EFNB3: variants seen among roughly 807,000 people sequenced by gnomAD.
EFNB3 encodes the protein ephrin B3, also known as ephrin-B3.
A neutral mutation model predicts 29.8 loss-of-function variants in EFNB3; 14 were observed. That is an observed-to-expected ratio of 0.47 (90% confidence interval 0.31 to 0.73). The LOEUF (loss-of-function observed/expected upper bound fraction) is 0.73. Among genes scored for constraint, EFNB3 ranks in the 30% least tolerant of loss-of-function variants. The pLI is 0.05. For synonymous variants in EFNB3, 216 were observed against 191.6 expected (o/e 1.13, Z -1.05); for missense variants, 408 against 458.0 (o/e 0.89, Z 1.00).
At chr17:7,707,843 G>A (rs1354550281) in intron 1 of EFNB3, 115 bp from the exon 2 acceptor site, 1 of 1,220,472 alleles carries the variant, frequency 8.2e-7, no homozygotes, top group African/African-American at 1.5e-5. Context: ...GACAAAGGCG[G>A]GCAAGCGTGA....
At chr17:7,707,336 G>A (rs2074330811) in intron 1 of EFNB3, among the ~76,000 whole-genome samples, 1 of 152,226 alleles carries the variant, frequency 6.6e-6, no homozygotes, top group African/African-American at 2.4e-5. Flanking sequence ...TTCTGAGTGG[G>A]AGAATGACTC....
rs900635559 is a variant in EFNB3 at position 7,709,914 on chromosome 17, C to T, written c.*338C>T. The T allele has an allele frequency of 7.2e-5, 31 of 431,782 alleles. 1 individual carries two copies. The highest frequency in any genetic ancestry group is 3.0e-4 in the Admixed American group (7 of 23,348). 26.7% of individuals were successfully genotyped at this position (431,782 alleles called of 1,614,324 possible). On this transcript the variant is annotated 3_prime_UTR_variant, in exon 5 of 5. Coordinates refer to ENST00000226091, the MANE Select transcript of EFNB3 (RefSeq NM_001406.4). This position sits in a 1 kb window ranked among gnomAD's most constrained non-coding sequence, Gnocchi z 4.5. ...CCCAGAGCTAGGGGCGGGAACAGCC[C>T]ACCTTTTGGTTGGCACCGCCTTCTT...
At position 7,709,150 on chromosome 17, in the gene EFNB3, C is replaced by T; in HGVS notation, c.614-17C>T. 6.3e-7 allele frequency: 1 copy of T among 1,593,908 alleles called. No homozygotes were observed. The highest frequency in any genetic ancestry group is 8.5e-7 in the Non-Finnish European group (1 of 1,176,724). ...CAGTCCCTCCCCCTCTTTCCTCCTT[C>T]ACCCCTTCCCTGCCAGGTGACCCCA... On this transcript the variant is annotated splice_polypyrimidine_tract_variant and intron_variant, in intron 4 of 4. Transcript: ENST00000226091. This position sits in a 1 kb window ranked among gnomAD's most constrained non-coding sequence, Gnocchi z 4.5.
intron 1 of EFNB3, among the ~76,000 whole-genome samples, chr17:7,706,477 C>T (rs2074328139): frequency 1.3e-5 from 2 of 152,158 alleles, no homozygotes; most frequent in African/African-American, 4.8e-5. Context: ...TGAAAAGAGG[C>T]CAGGGGTCAG....
Position 7,709,476 on chromosome 17 carries a change from GCCC to G in EFNB3, c.926_928del (p.Pro309del), listed in dbSNP as rs752828539. 5 of 1,613,776 alleles carry G rather than the reference GCCC, an allele frequency of 3.1e-6. No individual in the cohort carries two copies. The highest frequency in any genetic ancestry group is 4.2e-6 in the Non-Finnish European group (5 of 1,179,832). On this transcript the variant is annotated inframe_deletion, in exon 5 of 5. Coordinates refer to ENST00000226091, the MANE Select transcript of EFNB3 (RefSeq NM_001406.4). The surrounding 1 kb of genome is among the most constrained non-coding windows in gnomAD (Gnocchi z 4.5). Reference sequence around the variant, plus strand: ...GGCGGGGCTGCAGATCCCCCCTTCTGCCCCCACTATGAGAAGGTGAGTGGTGAC... The same window carrying G: ...GGCGGGGCTGCAGATCCCCCCTTCTGCCACTATGAGAAGGTGAGTGGTGAC...
Position 7,709,872 on chromosome 17 carries a change from C to A in EFNB3, c.*296C>A. ...CCTCTCTGACCATGACCCAGGCATC[C>A]TTGTCCCCCTCACCCACCCAGAGCT... On this transcript the variant is annotated 3_prime_UTR_variant, in exon 5 of 5. Coordinates refer to ENST00000226091, the MANE Select transcript of EFNB3 (RefSeq NM_001406.4). This position sits in a 1 kb window ranked among gnomAD's most constrained non-coding sequence, Gnocchi z 4.5. 1 of 506,950 alleles carries A rather than the reference C, an allele frequency of 2.0e-6. No homozygotes were observed. 31.4% of individuals were successfully genotyped at this position (506,950 alleles called of 1,614,324 possible). A position where few individuals can be genotyped will look rare whatever the true frequency, so the allele number is the denominator to read the frequency against.
At position 7,709,350 on chromosome 17, in the gene EFNB3, C is replaced by T; in HGVS notation, c.797C>T (p.Pro266Leu). 6.8e-7 allele frequency: 1 copy of T among 1,460,818 alleles called. No homozygotes were observed. The highest frequency in any genetic ancestry group is 9.1e-7 in the Non-Finnish European group (1 of 1,092,950). 90.5% of individuals were successfully genotyped at this position (1,460,818 alleles called of 1,614,324 possible). Residue 266 changes from proline (P) to leucine (L), a missense_variant, in exon 5 of 5, where the codon CCT becomes CTT. This residue lies in a region of EFNB3 where 233 missense variants were observed against 230.7 expected (regional missense o/e 1.01). Coordinates refer to ENST00000226091, the MANE Select transcript of EFNB3 (RefSeq NM_001406.4). This position sits in a 1 kb window ranked among gnomAD's most constrained non-coding sequence, Gnocchi z 4.5. ...AKPSESRHPG[P>L]GSFGRGGSLG... ...CCTTCGGAGAGTCGCCACCCTGGTC[C>T]TGGCTCCTTCGGGAGGGGAGGGTCT...
At position 7,707,948 on chromosome 17, in the gene EFNB3, C is replaced by T. The variant is rs199860628; in HGVS notation, c.123-10C>T. On this transcript the variant is annotated splice_polypyrimidine_tract_variant and intron_variant, in intron 1 of 4. Coordinates refer to ENST00000226091, the MANE Select transcript of EFNB3 (RefSeq NM_001406.4). ...TCTCTTCCTTGTCCACCTTACCCTC[C>T]TCCCCATAGGTTCCAGGCAGAGGGT... 6.3e-7 allele frequency: 1 copy of T among 1,598,802 alleles called. No individual in the cohort carries two copies. The highest frequency in any genetic ancestry group is 1.3e-5 in the African/African-American group (1 of 74,484).
Position 7,705,838 on chromosome 17 carries a change from T to C in EFNB3, c.122+118T>C. ...GAGGCGGGAGGGAAGGTGCTGGTGC[T>C]CTGATGTGTGATGGGTTACTAGACA... is the stretch of plus-strand genomic sequence containing the variant. On this transcript the variant is annotated intron_variant, in intron 1 of 4. Coordinates refer to ENST00000226091, the MANE Select transcript of EFNB3 (RefSeq NM_001406.4). The surrounding 1 kb of genome is among the most constrained non-coding windows in gnomAD (Gnocchi z 5.4). 6.3e-6 allele frequency: 8 copies of C among 1,273,010 alleles called. No individual in the cohort carries two copies. Among genetic ancestry groups the C allele is most frequent in the Non-Finnish European group, 8.5e-6 (8 of 944,252 alleles). The allele number at this position is 1,273,010 out of a possible 1,614,324, so 78.9% of individuals were successfully genotyped here.
Position 7,705,646 on chromosome 17 carries a change from G to A in EFNB3, c.48G>A (p.Leu16=), listed in dbSNP as rs1324971433. The A allele has an allele frequency of 5.9e-6, 9 of 1,517,910 alleles. No individual in the cohort carries two copies. Among genetic ancestry groups the A allele is most frequent in the Non-Finnish European group, 7.8e-6 (9 of 1,147,190 alleles). The allele number at this position is 1,517,910 out of a possible 1,614,324, so 94.0% of individuals were successfully genotyped here. ...SGPGGVRVGA[L]LLLGVLGLVS... ...CGGGGGGCGTGCGAGTCGGGGCCCT[G>A]CTGCTGCTGGGGGTTTTGGGGCTGG... The change falls in exon 1 of 5, where the codon CTG becomes CTA. Residue 16 remains leucine (L), a synonymous_variant. Coordinates refer to ENST00000226091, the MANE Select transcript of EFNB3 (RefSeq NM_001406.4). The surrounding 1 kb of genome is among the most constrained non-coding windows in gnomAD (Gnocchi z 5.4).
Position 7,709,614 on chromosome 17 carries a change from C to T in EFNB3, c.*38C>T. On this transcript the variant is annotated 3_prime_UTR_variant, in exon 5 of 5. Transcript: ENST00000226091. This position sits in a 1 kb window ranked among gnomAD's most constrained non-coding sequence, Gnocchi z 4.5. ...CGTGGCTATCCTGAATCCAGCCCTT[C>T]TTGGGGTGCTCCTCCAGTTTAATTC... is the stretch of plus-strand genomic sequence containing the variant. 6.2e-7 allele frequency: 1 copy of T among 1,612,732 alleles called. No homozygotes were observed. Among genetic ancestry groups the T allele is most frequent in the South Asian group, 1.1e-5 (1 of 90,980 alleles).
Position 7,709,209 on chromosome 17 carries a change from C to T in EFNB3, c.656C>T (p.Pro219Leu), listed in dbSNP as rs2151099719. 1 of 1,603,966 alleles carries T rather than the reference C, an allele frequency of 6.2e-7. No individual in the cohort carries two copies. The highest frequency in any genetic ancestry group is 8.5e-7 in the Non-Finnish European group (1 of 1,178,192). ...SNATSRGAEGPLPPPSMPAVA... is the reference protein window; with the variant it reads ...SNATSRGAEGLLPPPSMPAVA... ...GCAACCTCCCGGGGTGCTGAAGGCC[C>T]CCTGCCCCCTCCCAGCATGCCTGCA... is the stretch of plus-strand genomic sequence containing the variant. Residue 219 changes from proline (P) to leucine (L), a missense_variant, in exon 5 of 5, where the codon CCC becomes CTC. Physicochemically the swap from Pro to Leu is moderately conservative, Grantham distance 98. Coordinates refer to ENST00000226091, the MANE Select transcript of EFNB3 (RefSeq NM_001406.4). The surrounding 1 kb of genome is among the most constrained non-coding windows in gnomAD (Gnocchi z 4.5).
Position 7,709,454 on chromosome 17 carries a change from G to A in EFNB3, c.901G>A (p.Gly301Arg), listed in dbSNP as rs139143082. The A allele has an allele frequency of 5.8e-5, 93 of 1,613,472 alleles. No homozygotes were observed. Among genetic ancestry groups the A allele is most frequent in the African/African-American group, 1.7e-4 (13 of 74,858 alleles). Residue 301 changes from glycine to arginine, a missense_variant, in exon 5 of 5, where the codon GGG becomes AGG. Gly to Arg is a moderately radical substitution (Grantham distance 125, BLOSUM62 -2). Transcript: ENST00000226091. The surrounding 1 kb of genome is among the most constrained non-coding windows in gnomAD (Gnocchi z 4.5). ...GELGIALRGGGAADPPFCPHY... is the reference protein window; with the variant it reads ...GELGIALRGGRAADPPFCPHY... ...GCTAGGGATAGCTCTGCGGGGTGGC[G>A]GGGCTGCAGATCCCCCCTTCTGCCC... is the stretch of plus-strand genomic sequence containing the variant.
At position 7,709,248 on chromosome 17, in the gene EFNB3, C is replaced by G. The variant is rs747602208; in HGVS notation, c.695C>G (p.Ala232Gly). Residue 232 changes from alanine (A) to glycine (G), a missense_variant, in exon 5 of 5, where the codon GCA becomes GGA. By Grantham distance (60) the Ala-to-Gly change is moderately conservative. Coordinates refer to ENST00000226091, the MANE Select transcript of EFNB3 (RefSeq NM_001406.4). The surrounding 1 kb of genome is among the most constrained non-coding windows in gnomAD (Gnocchi z 4.5). ...PPSMPAVAGA[A>G]GGLALLLLGV... ...AGCATGCCTGCAGTGGCTGGGGCAG[C>G]AGGGGGGCTGGCGCTGCTCTTGCTG... 23 of 1,594,694 alleles carry G rather than the reference C, an allele frequency of 1.4e-5. No homozygotes were observed. The highest frequency in any genetic ancestry group is 1.8e-5 in the Non-Finnish European group (21 of 1,174,738).
rs889036561 is a variant in EFNB3 at position 7,705,390 on chromosome 17, C to A, written c.-209C>A. 1.0e-5 allele frequency: 4 copies of A among 392,136 alleles called. No individual in the cohort carries two copies. The highest frequency in any genetic ancestry group is 1.8e-5 in the Non-Finnish European group (4 of 221,442). The allele number at this position is 392,136 out of a possible 1,614,324, so 24.3% of individuals were successfully genotyped here. ...GCGTGGGCCGGGGGCGCGTAGGGCG[C>A]CTGCAGACGGCCCCTGGAAGGGCTC... On this transcript the variant is annotated 5_prime_UTR_variant, in exon 1 of 5. Coordinates refer to ENST00000226091, the MANE Select transcript of EFNB3 (RefSeq NM_001406.4). This position sits in a 1 kb window ranked among gnomAD's most constrained non-coding sequence, Gnocchi z 5.4.
At position 7,705,506 on chromosome 17, in the gene EFNB3, C is replaced by G. The variant is rs1334496127; in HGVS notation, c.-93C>G. 6.5e-6 allele frequency: 4 copies of G among 619,524 alleles called. 1 individual carries two copies. The South Asian group carries it at 1.0e-4, about 15-fold the overall frequency. The allele number at this position is 619,524 out of a possible 1,614,324, so 38.4% of individuals were successfully genotyped here. A position where few individuals can be genotyped will look rare whatever the true frequency, so the allele number is the denominator to read the frequency against. On this transcript the variant is annotated 5_prime_UTR_variant, in exon 1 of 5. Coordinates refer to ENST00000226091, the MANE Select transcript of EFNB3 (RefSeq NM_001406.4). The surrounding 1 kb of genome is among the most constrained non-coding windows in gnomAD (Gnocchi z 5.4). ...GGGGGCATCAGCTACCGGGGTGGTC[C>G]GGGCTGAAGAGCCAGGCAGCCAAGG...
Position 7,708,469 on chromosome 17 carries a change from C to G in EFNB3, c.450C>G (p.Ser150Arg), listed in dbSNP as rs1281774591. 1.2e-6 allele frequency: 2 copies of G among 1,613,750 alleles called. No homozygotes were observed. The highest frequency in any genetic ancestry group is 1.7e-6 in the Non-Finnish European group (2 of 1,179,930). The change falls in exon 3 of 5, where the codon AGC becomes AGG. Residue 150 changes from serine to arginine, a missense_variant. Around this residue, in one of 3 missense-constraint regions of EFNB3, gnomAD observed 47 missense variants for 86.6 expected, o/e 0.54. Coordinates refer to ENST00000226091, the MANE Select transcript of EFNB3 (RefSeq NM_001406.4). The surrounding 1 kb of genome is among the most constrained non-coding windows in gnomAD (Gnocchi z 6.8). ...ATGGGACCCGGGAGGGCCTGGAGAGCCTGCAGGGAGGTGTGTGCCTAACCA... is the reference window on the plus strand; with the variant it reads ...ATGGGACCCGGGAGGGCCTGGAGAGGCTGCAGGGAGGTGTGTGCCTAACCA... ...TSDGTREGLE[S>R]LQGGVCLTRG...
chr17:7,708,100 G>T lies in EFNB3; in HGVS notation c.265G>T (p.Gly89Cys). 1 of 1,614,090 alleles carries T rather than the reference G, an allele frequency of 6.2e-7. No homozygotes were observed. The highest frequency in any genetic ancestry group is 8.5e-7 in the Non-Finnish European group (1 of 1,180,022). Reference sequence around the variant, plus strand: ...GCTGTACCTGGTAGGGGGTGCTCAGGGCCGGCGCTGTGAGGCACCCCCTGC... The same window carrying T: ...GCTGTACCTGGTAGGGGGTGCTCAGTGCCGGCGCTGTGAGGCACCCCCTGC... ...YKLYLVGGAQ[G>C]RRCEAPPAPN... The change falls in exon 2 of 5, where the codon GGC becomes TGC. Residue 89 changes from glycine to cysteine, a missense_variant. Transcript: ENST00000226091. This position sits in a 1 kb window ranked among gnomAD's most constrained non-coding sequence, Gnocchi z 6.8.
chr17:7,709,128 T>C lies in EFNB3; in HGVS notation c.614-39T>C. 4 of 1,581,596 alleles carry C rather than the reference T, an allele frequency of 2.5e-6. No individual in the cohort carries two copies. The highest frequency in any genetic ancestry group is 3.4e-6 in the Non-Finnish European group (4 of 1,171,070). ...CCAGGTGCCCAGGTGGCTCCTTCAG[T>C]CCCTCCCCCTCTTTCCTCCTTCACC... is the stretch of plus-strand genomic sequence containing the variant. On this transcript the variant is annotated intron_variant, in intron 4 of 4. Coordinates refer to ENST00000226091, the MANE Select transcript of EFNB3 (RefSeq NM_001406.4). This position sits in a 1 kb window ranked among gnomAD's most constrained non-coding sequence, Gnocchi z 4.5.
Sources: allele counts gnomAD v4.1 joint callset (sites outside exome capture counted in the v4.1 genomes callset), GRCh38; gene constraint gnomAD v4.1.1; regional missense constraint gnomAD v4.1.1; non-coding constraint Gnocchi (gnomAD v3.1); transcripts MANE v1.5; gene names NCBI Gene and HGNC (gene_info 2026-07-23, HGNC 2026-07-21).